NCOR2: variants seen among roughly 807,000 people sequenced by gnomAD.
NCOR2 encodes the protein CTG repeat protein 26.
NCOR2 carries 81 observed loss-of-function variants against 262.9 expected under a neutral mutation model. The observed-to-expected ratio is 0.31, with a 90% CI of 0.26 to 0.37. NCOR2 has a LOEUF of 0.37. Ranked by LOEUF, NCOR2 falls within the 10% of genes least tolerant of loss-of-function variation. The pLI is 1.00. For missense variants in NCOR2, 3,385 were observed against 3,621.4 expected (o/e 0.93, Z 1.68); for synonymous variants, 1,659 against 1,559.3 (o/e 1.06, Z -1.51).
chr12:124,398,102 C>T lies in NCOR2; in HGVS notation c.1876+17G>A, dbSNP rs11832610. ...GATGCAAACCAACAAGGCTTAAAGC[C>T]GCCACACACCCCTCACCTTTCTTGG... On this transcript the variant is annotated intron_variant, in intron 16 of 46. Transcript: ENST00000405201. The T allele has an allele frequency of 6.5e-3, 10,417 of 1,614,096 alleles. 258 individuals carry two copies. The African/African-American group carries it at 0.067, about 10-fold the overall frequency.
At chr12:124,495,493 C>T, upstream of NCOR2, 1 of 612,776 alleles carries the variant, frequency 1.6e-6, no homozygotes, top group Non-Finnish European at 2.6e-6. The surrounding 1 kb of genome is among the most constrained non-coding windows in gnomAD (Gnocchi z 4.4). Context: ...CCTGCCTGGA[C>T]CCTCCTCCAT....
intron 13 of NCOR2, among the ~76,000 whole-genome samples, chr12:124,404,328 G>C (rs369703828): frequency 3.3e-5 from 5 of 152,186 alleles, no homozygotes; most frequent in South Asian, 2.1e-4. Context: ...GTCTGGGCAG[G>C]GCCGGGGCTT....
intron 27 of NCOR2, among the ~76,000 whole-genome samples, chr12:124,351,543 C>T (rs2037465873): frequency 6.6e-6 from 1 of 152,126 alleles, no homozygotes; most frequent in South Asian, 2.1e-4. Flanking sequence ...TTGAGAACCA[C>T]TGCCATATAG....
chr12:124,567,420 G>C (rs1377304660), exon 1 of NCOR2: 1 of 150,340 alleles, frequency 6.7e-6, no homozygotes, highest in Non-Finnish European at 1.5e-5. Context: ...GCCCGGCCTC[G>C]GGTCGGGACG....
Position 124,348,167 on chromosome 12 carries a change from C to T in NCOR2, c.3985+7G>A. The T allele has an allele frequency of 4.3e-6, 7 of 1,609,754 alleles. No individual in the cohort carries two copies. The highest frequency in any genetic ancestry group is 5.9e-6 in the Non-Finnish European group (7 of 1,180,012). ...ACCGAGAGATGAAGTCTCCTCCCTG[C>T]TATCACCTTCGATGCTGGCTGAGGA... On this transcript the variant is annotated splice_region_variant and intron_variant, in intron 29 of 46. Coordinates refer to ENST00000405201, the Ensembl canonical transcript of NCOR2.
intron 22 of NCOR2, among the ~76,000 whole-genome samples, chr12:124,361,110 C>T (rs1245333365): frequency 7.6e-6 from 1 of 132,234 alleles, no homozygotes; most frequent in Admixed American, 7.9e-5. Flanking sequence ...GAGAGTGACA[C>T]TCCGTCTCAA....
At chr12:124,406,448 G>C (rs1038171474) in intron 13 of NCOR2, among the ~76,000 whole-genome samples, 2 of 152,194 alleles carry the variant, frequency 1.3e-5, no homozygotes, top group Non-Finnish European at 2.9e-5. Flanking sequence ...TGAGGAGTGA[G>C]GCCTTCAAGA....
At chr12:124,522,007 G>C (rs2050217053) in intron 1 of NCOR2, among the ~76,000 whole-genome samples, 1 of 152,056 alleles carries the variant, frequency 6.6e-6, no homozygotes, top group Non-Finnish European at 1.5e-5. Flanking sequence ...ACAGAGCAAG[G>C]CCGCATCTCA....
chr12:124,518,489 T>C (rs1375830400), intron 1 of NCOR2, among the ~76,000 whole-genome samples: 1 of 152,168 alleles, frequency 6.6e-6, no homozygotes, highest in Non-Finnish European at 1.5e-5. Flanking sequence ...CGGCGACAAG[T>C]GCGGGGCCGC....
exon 8 of NCOR2, chr12:124,437,941 G>A: frequency 6.2e-7 from 1 of 1,612,190 alleles, no homozygotes; most frequent in Non-Finnish European, 8.5e-7. Flanking sequence ...CATTGTTTCC[G>A]AGCGTGATTC....
chr12:124,428,934 G>T (rs2043752132), intron 10 of NCOR2, among the ~76,000 whole-genome samples: 1 of 152,188 alleles, frequency 6.6e-6, no homozygotes, highest in African/African-American at 2.4e-5. Context: ...ACAGGACCCG[G>T]GAGGGAACAG....
chr12:124,384,428 G>T (rs867430), intron 17 of NCOR2, among the ~76,000 whole-genome samples: 1 of 152,208 alleles, frequency 6.6e-6, no homozygotes, highest in African/African-American at 2.4e-5. Context: ...TGGAGGGCAC[G>T]CGGGGCACTG....
At chr12:124,413,908 C>T (rs570471454) in intron 13 of NCOR2, among the ~76,000 whole-genome samples, 131 of 152,102 alleles carry the variant, frequency 8.6e-4, no homozygotes, top group African/African-American at 2.7e-3. Flanking sequence ...CAGGTGGTGG[C>T]GGGGGGTACT....
At chr12:124,511,673 C>T (rs1037114878) in intron 1 of NCOR2, among the ~76,000 whole-genome samples, 2 of 152,142 alleles carry the variant, frequency 1.3e-5, no homozygotes, top group Non-Finnish European at 2.9e-5. Flanking sequence ...AAGGCAGGTT[C>T]AAGCAAGGCG....
intron 44 of NCOR2, 85 bp downstream of exon 46, chr12:124,330,760 T>A: frequency 7.0e-7 from 1 of 1,433,808 alleles, no homozygotes; most frequent in Non-Finnish European, 9.6e-7. Flanking sequence ...CGAAGGCTCC[T>A]CGTCCCTTCA....
chr12:124,514,834 AAAAAG>A, intron 1 of NCOR2: 1 of 151,898 alleles, frequency 6.6e-6, no homozygotes, highest in Non-Finnish European at 1.5e-5. Flanking sequence ...AAAAAAAAAA[AAAAAG>A]GTTATAGCCA....
intron 22 of NCOR2, among the ~76,000 whole-genome samples, chr12:124,357,932 T>C (rs546186325): frequency 0.011 from 1,653 of 145,784 alleles, 26 homozygotes; most frequent in African/African-American, 0.03. Flanking sequence ...CGTGCGTGCA[T>C]GTGTGTGTGA....
chr12:124,492,890 G>A (rs866030415), intron 1 of NCOR2, among the ~76,000 whole-genome samples: 7 of 152,102 alleles, frequency 4.6e-5, no homozygotes, highest in South Asian at 4.1e-4. Context: ...AGACAAGCAG[G>A]ATTCTCTGGA....
intron 5 of NCOR2, among the ~76,000 whole-genome samples, chr12:124,461,420 G>C (rs765414855): frequency 6.6e-6 from 1 of 152,220 alleles, no homozygotes; most frequent in South Asian, 2.1e-4. Context: ...GTTCTCATTC[G>C]AGCAGTGGCA....
Sources: allele counts gnomAD v4.1 joint callset (sites outside exome capture counted in the v4.1 genomes callset), GRCh38; gene constraint gnomAD v4.1.1; non-coding constraint Gnocchi (gnomAD v3.1); transcripts MANE v1.5; gene names NCBI Gene and HGNC (gene_info 2026-07-23, HGNC 2026-07-21).